OR10J1: variants seen among roughly 807,000 people sequenced by gnomAD.
OR10J1 encodes the protein olfactory receptor 10J1.
For synonymous variants in OR10J1, 202 were observed against 143.8 expected, an observed-to-expected ratio of 1.40 and a Z score of -2.89; for missense variants, 474 against 376.6, an observed-to-expected ratio of 1.26 and a Z score of -2.14.
the OR10J1 span, among the ~76,000 whole-genome samples, chr1:159,418,967 G>A: frequency 3.9e-5 from 6 of 152,320 alleles, no homozygotes; most frequent in Non-Finnish European, 7.4e-5. Flanking sequence ...AGACTTGCAT[G>A]GGGCCTGTAG....
the OR10J1 span, among the ~76,000 whole-genome samples, chr1:159,417,136 G>A: frequency 6.6e-6 from 1 of 151,628 alleles, no homozygotes; most frequent in Non-Finnish European, 1.5e-5. Flanking sequence ...TGTTTTTCTA[G>A]TTCATTGAAG....
chr1:159,413,372 A>C, the OR10J1 span, among the ~76,000 whole-genome samples: 1 of 151,946 alleles, frequency 6.6e-6, no homozygotes, highest in African/African-American at 2.4e-5. Flanking sequence ...TCATGCTGCT[A>C]TAAAGACACA....
At chr1:159,407,357 T>A in the OR10J1 span, among the ~76,000 whole-genome samples, 1 of 152,136 alleles carries the variant, frequency 6.6e-6, no homozygotes, top group South Asian at 2.1e-4. Flanking sequence ...CTTGTCTGTG[T>A]CTCAATTGCT....
the OR10J1 span, among the ~76,000 whole-genome samples, chr1:159,428,851 C>T: frequency 6.6e-6 from 1 of 152,198 alleles, no homozygotes; most frequent in African/African-American, 2.4e-5. Context: ...GTCAAAGACA[C>T]CACAATAAAC....
the OR10J1 span, among the ~76,000 whole-genome samples, chr1:159,424,724 G>A: frequency 6.6e-6 from 1 of 151,996 alleles, no homozygotes; most frequent in Non-Finnish European, 1.5e-5. Context: ...TAGGAAATAA[G>A]AGACAAAACA....
At chr1:159,417,436 G>A in the OR10J1 span, among the ~76,000 whole-genome samples, 1 of 152,016 alleles carries the variant, frequency 6.6e-6, no homozygotes, top group Non-Finnish European at 1.5e-5. Flanking sequence ...TTGAATCATG[G>A]GAGCAGGTCT....
At chr1:159,401,693 C>T in the OR10J1 span, among the ~76,000 whole-genome samples, 1 of 151,950 alleles carries the variant, frequency 6.6e-6, no homozygotes, top group Non-Finnish European at 1.5e-5. Context: ...ACCAATCATA[C>T]TCAAATTATT....
chr1:159,440,803 C>T lies in OR10J1; in HGVS notation c.*82C>T, dbSNP rs958136090. 3 of 1,425,706 alleles carry T rather than the reference C, an allele frequency of 2.1e-6. No homozygotes were observed. Among genetic ancestry groups the T allele is most frequent in the South Asian group, 1.4e-5 (1 of 71,768 alleles). 88.3% of individuals were successfully genotyped at this position (1,425,706 alleles called of 1,614,324 possible). A position where few individuals can be genotyped will look rare whatever the true frequency, so the allele number is the denominator to read the frequency against. ...GGTGTAAACTCACAAACACTTGGCT[C>T]CTAGAGACCTGCCCCTTAAATAAGA... On this transcript the variant is annotated 3_prime_UTR_variant, in exon 1 of 1. Transcript: ENST00000423932.
the OR10J1 span, among the ~76,000 whole-genome samples, chr1:159,402,685 C>A: frequency 6.6e-6 from 1 of 151,860 alleles, no homozygotes; most frequent in African/African-American, 2.4e-5. Flanking sequence ...TTTATAGTAC[C>A]CAAAGCTGTC....
the OR10J1 span, among the ~76,000 whole-genome samples, chr1:159,398,371 AT>A: frequency 6.6e-6 from 1 of 152,302 alleles, no homozygotes; most frequent in South Asian, 2.1e-4. Flanking sequence ...AACCATCAAC[AT>A]TGTCCAGGAA....
chr1:159,410,669 T>C, the OR10J1 span, among the ~76,000 whole-genome samples: 3 of 151,634 alleles, frequency 2.0e-5, no homozygotes, highest in East Asian at 5.9e-4. Context: ...TCATTAATTT[T>C]TTGAAGGGTT....
upstream of OR10J1, among the ~76,000 whole-genome samples, chr1:159,433,382 A>G (rs371389346): frequency 3.3e-5 from 5 of 152,370 alleles, no homozygotes; most frequent in East Asian, 7.7e-4. Context: ...AAGATAAAGC[A>G]TATCCATGCA....
At chr1:159,434,735 G>A (rs924053096), upstream of OR10J1, among the ~76,000 whole-genome samples, 17 of 151,928 alleles carry the variant, frequency 1.1e-4, no homozygotes, top group Admixed American at 9.2e-4. Flanking sequence ...ATGGTGAGTC[G>A]GACAATATCA....
chr1:159,413,228 T>G, the OR10J1 span, among the ~76,000 whole-genome samples: 12,278 of 152,140 alleles, frequency 0.081, 1,144 homozygotes, highest in African/African-American at 0.23. Flanking sequence ...GGAACACTTT[T>G]ACACTGTTGG....
chr1:159,429,253 G>T, the OR10J1 span, among the ~76,000 whole-genome samples: 1 of 152,196 alleles, frequency 6.6e-6, no homozygotes, highest in Non-Finnish European at 1.5e-5. Flanking sequence ...AGTTTCTGCT[G>T]TATTCCATGT....
chr1:159,420,254 T>C, the OR10J1 span, among the ~76,000 whole-genome samples: 1 of 152,170 alleles, frequency 6.6e-6, no homozygotes, highest in South Asian at 2.1e-4. Context: ...TATCATTGGG[T>C]CATATTGTTT....
chr1:159,434,219 A>C (rs1466729080), upstream of OR10J1, among the ~76,000 whole-genome samples: 2 of 152,188 alleles, frequency 1.3e-5, no homozygotes, highest in Non-Finnish European at 2.9e-5. Flanking sequence ...CCCAGCCCTG[A>C]AGTCTGTAGT....
chr1:159,412,965 G>A, the OR10J1 span, among the ~76,000 whole-genome samples: 16,817 of 151,572 alleles, frequency 0.11, 1,172 homozygotes, highest in Admixed American at 0.15. Context: ...ATCCAGAATC[G>A]ACAATGAACT....
chr1:159,427,192 C>G, the OR10J1 span, among the ~76,000 whole-genome samples: 1 of 151,578 alleles, frequency 6.6e-6, no homozygotes, highest in Non-Finnish European at 1.5e-5. Flanking sequence ...TGACTTACAT[C>G]CAAAGCAGTT....
Sources: gnomAD v4.1 joint callset for allele counts (sites outside exome capture counted in the v4.1 genomes callset) on GRCh38, gnomAD v4.1.1 for gene constraint, MANE v1.5 for transcripts, NCBI Gene and HGNC (gene_info 2026-07-23, HGNC 2026-07-21) for gene names.